The following SMG6 variants were observed in gnomAD, a reference collection of about 807,000 sequenced individuals.
The protein encoded by SMG6 is SMG6 nonsense mediated mRNA decay factor.
Under a neutral mutation model 142.2 loss-of-function variants are expected in SMG6, and 66 were observed. That is an observed-to-expected ratio of 0.46 (90% CI 0.38 to 0.57). SMG6 has a LOEUF of 0.57. Ranked by LOEUF, SMG6 falls within the 20% of genes least tolerant of loss-of-function variation. The pLI, the probability that SMG6 is intolerant of heterozygous loss-of-function variation, is 0.00. For missense variants in SMG6, 1,793 were observed against 1,832.0 expected (o/e 0.98, Z 0.39); for synonymous variants, 779 against 702.4 (o/e 1.11, Z -1.72).
Position 2,292,639 on chromosome 17 carries a change from GA to G in SMG6, c.2259-10del, listed in dbSNP as rs3215741. ...GGGCCTTCAGGTACCAACTAGAACA[GA>G]AAAAACAGTAAGAAAATGCTAGTTC... On this transcript the variant is annotated splice_polypyrimidine_tract_variant and intron_variant, in intron 5 of 18. Coordinates refer to ENST00000263073, the MANE Select transcript of SMG6 (RefSeq NM_017575.5). 1,028,177 of 1,613,010 alleles carry G rather than the reference GA, an allele frequency of 0.64. 332,128 individuals carry two copies. The highest frequency in any genetic ancestry group is 0.76 in the East Asian group (34,225 of 44,874).
Position 2,096,957 on chromosome 17 carries a change from G to A in SMG6, c.3358-11056C>T, listed in dbSNP as rs991030547. Among the ~76,000 whole-genome samples the A allele has an allele frequency of 4.6e-5, 7 of 152,046 alleles. No homozygotes were observed. In the East Asian group the frequency reaches 9.6e-4, roughly 21 times the overall value. ...CCCTCAACATCTGCACTACTTGTAC[G>A]TCACAAAGTGAATTCTTTTGTCCTT... is the stretch of plus-strand genomic sequence containing the variant. On this transcript the variant is annotated intron_variant, in intron 13 of 18. Coordinates refer to ENST00000263073, the MANE Select transcript of SMG6 (RefSeq NM_017575.5).
At position 2,061,633 on chromosome 17, in the gene SMG6, G is replaced by A; in HGVS notation, c.4130-11C>T. 1 of 1,566,828 alleles carries A rather than the reference G, an allele frequency of 6.4e-7. No individual in the cohort carries two copies. Among genetic ancestry groups the A allele is most frequent in the Non-Finnish European group, 8.7e-7 (1 of 1,155,794 alleles). On this transcript the variant is annotated splice_polypyrimidine_tract_variant and intron_variant, in intron 18 of 18. Coordinates refer to ENST00000263073, the MANE Select transcript of SMG6 (RefSeq NM_017575.5). ...GCCGGATTGGCTCCTCTGTGGGCAT[G>A]AGAGAGCAGAAGGCTGTCACTGAGG...
intron 12 of SMG6, among the ~76,000 whole-genome samples, chr17:2,176,735 C>CCA (rs2151663752): frequency 6.6e-6 from 1 of 152,208 alleles, no homozygotes; most frequent in South Asian, 2.1e-4. Context: ...ACAGAACACA[C>CCA]CACACACCAG....
At chr17:2,264,557 C>G (rs2074381437) in intron 8 of SMG6, among the ~76,000 whole-genome samples, 1 of 152,148 alleles carries the variant, frequency 6.6e-6, no homozygotes, top group Non-Finnish European at 1.5e-5. Context: ...TCATAAATCA[C>G]AAATCAATCT....
intron 10 of SMG6, among the ~76,000 whole-genome samples, chr17:2,218,156 A>G (rs2073071305): frequency 6.6e-6 from 1 of 152,240 alleles, no homozygotes; most frequent in African/African-American, 2.4e-5. Context: ...TCAGCTCAAT[A>G]GAAGGTTTAA....
chr17:2,087,755 T>A, intron 13 of SMG6: 1 of 986,018 alleles, frequency 1.0e-6, no homozygotes, highest in Non-Finnish European at 1.2e-6. Context: ...AGAGCCGAAA[T>A]GAGTAATAGC....
At chr17:2,117,692 A>G (rs1445974844) in intron 13 of SMG6, 1 of 152,214 alleles carries the variant, frequency 6.6e-6, no homozygotes, top group African/African-American at 2.4e-5. Flanking sequence ...TAAGATGTCA[A>G]TTTTCTCAAA....
intron 10 of SMG6, among the ~76,000 whole-genome samples, chr17:2,200,476 T>C (rs996478922): frequency 1.2e-4 from 18 of 151,904 alleles, no homozygotes; most frequent in African/African-American, 4.1e-4. Flanking sequence ...GTCATTTACA[T>C]TGGGTGTATC....
chr17:2,127,346 T>G, intron 13 of SMG6: 1 of 520,858 alleles, frequency 1.9e-6, no homozygotes, highest in Non-Finnish European at 3.7e-6. Context: ...GTGAATGTAC[T>G]TAATGCCACT....
intron 13 of SMG6, among the ~76,000 whole-genome samples, chr17:2,114,700 G>A (rs373478802): frequency 1.3e-5 from 2 of 151,964 alleles, no homozygotes; most frequent in East Asian, 3.9e-4. Context: ...GGGCCAAGGC[G>A]GGTGGATCAC....
intron 13 of SMG6, among the ~76,000 whole-genome samples, chr17:2,167,406 A>G (rs1338933483): frequency 6.6e-6 from 1 of 152,206 alleles, no homozygotes; most frequent in East Asian, 1.9e-4. Flanking sequence ...GATCTAATGT[A>G]TCAGGACAGC....
intron 1 of SMG6, among the ~76,000 whole-genome samples, chr17:2,302,249 C>A (rs1256335286): frequency 2.0e-5 from 3 of 146,534 alleles, no homozygotes; most frequent in Non-Finnish European, 4.5e-5. Flanking sequence ...TGAGACCCTG[C>A]CTCAAAAAAA....
intron 15 of SMG6, among the ~76,000 whole-genome samples, chr17:2,069,365 T>C (rs2068035523): frequency 6.6e-6 from 1 of 151,718 alleles, no homozygotes. Context: ...TACTTCACTG[T>C]GTAGCTAAAA....
At chr17:2,139,178 C>T (rs1248922752) in intron 13 of SMG6, among the ~76,000 whole-genome samples, 1 of 152,180 alleles carries the variant, frequency 6.6e-6, no homozygotes, top group Non-Finnish European at 1.5e-5. Context: ...TTGGGAGTGA[C>T]TACAGAGGCA....
chr17:2,117,906 T>TG (rs1259924585), intron 13 of SMG6: 3 of 152,026 alleles, frequency 2.0e-5, no homozygotes, highest in African/African-American at 7.3e-5. Context: ...GATATCCATA[T>TG]GGGGGGAAAA....
At chr17:2,098,739 T>C (rs2068925747) in intron 13 of SMG6, among the ~76,000 whole-genome samples, 1 of 152,164 alleles carries the variant, frequency 6.6e-6, no homozygotes, top group Admixed American at 6.5e-5. Context: ...CAAGTGATTC[T>C]CCTGCCTCAG....
chr17:2,258,793 C>G (rs1296555792), intron 8 of SMG6, among the ~76,000 whole-genome samples: 1 of 141,226 alleles, frequency 7.1e-6, no homozygotes, highest in East Asian at 2.1e-4. Flanking sequence ...AGCAAGACGC[C>G]AGCTCAAAAA....
chr17:2,215,763 G>A (rs1399225322), intron 10 of SMG6: 1 of 149,562 alleles, frequency 6.7e-6, no homozygotes, highest in Admixed American at 6.7e-5. Flanking sequence ...CCCACATCCT[G>A]CTTTCAGCTG....
In SMG6 at chr17:2,273,752, G is replaced by A. The variant is rs193113562; in HGVS notation, c.2661+8895C>T. ...GCAGAGGTTGCAGTGAGCAGAGATC[G>A]CGCCACTGCACTCCACCCTGGGCAA... On this transcript the variant is annotated intron_variant, in intron 8 of 18. Coordinates refer to ENST00000263073, the MANE Select transcript of SMG6 (RefSeq NM_017575.5). Among the ~76,000 whole-genome samples the A allele has an allele frequency of 3.6e-3, 543 of 151,996 alleles. 3 individuals are homozygous for A. Among genetic ancestry groups the A allele is most frequent in the Non-Finnish European group, 6.5e-3 (441 of 67,986 alleles).
Sources: allele counts gnomAD v4.1 joint callset (sites outside exome capture counted in the v4.1 genomes callset), GRCh38; gene constraint gnomAD v4.1.1; transcripts MANE v1.5; gene names NCBI Gene and HGNC (gene_info 2026-07-23, HGNC 2026-07-21).